Variants in TRIQK observed in about 807,000 individuals in gnomAD.
The protein encoded by TRIQK is triple QxxK/R motif containing.
A neutral mutation model predicts 10.8 loss-of-function variants in TRIQK; 10 were observed. The observed-to-expected ratio is 0.92, with a 90% confidence interval of 0.57 to 1.57. TRIQK has a LOEUF of 1.57. Ranked by LOEUF, TRIQK falls within the 40% of genes most tolerant of loss-of-function variation. The pLI, the probability that TRIQK is intolerant of heterozygous loss-of-function variation, is 0.00. For missense variants in TRIQK, 107 were observed against 97.7 expected, an observed-to-expected ratio of 1.09 and a Z score of -0.40; for synonymous variants, 33 against 33.7, an observed-to-expected ratio of 0.98 and a Z score of 0.07.
chr8:92,939,710 A>G (rs1211241577), intron 2 of TRIQK, among the ~76,000 whole-genome samples: 1 of 152,092 alleles, frequency 6.6e-6, no homozygotes, highest in Admixed American at 6.5e-5. Context: ...TCAGGCAGGG[A>G]GATTCCCACC....
At chr8:92,984,580 CT>C (rs1813014889) in intron 1 of TRIQK, among the ~76,000 whole-genome samples, 1 of 152,088 alleles carries the variant, frequency 6.6e-6, no homozygotes, top group Non-Finnish European at 1.5e-5. Flanking sequence ...TTTAGTTTGC[CT>C]TTTATTGTTA....
chr8:92,984,184 C>G (rs551676988), intron 1 of TRIQK, among the ~76,000 whole-genome samples: 1 of 152,202 alleles, frequency 6.6e-6, no homozygotes, highest in Admixed American at 6.5e-5. Context: ...CTGTCTTCAT[C>G]AAGTCTATTA....
intron 1 of TRIQK, among the ~76,000 whole-genome samples, chr8:93,011,490 A>G (rs1438507422): frequency 1.3e-5 from 2 of 152,160 alleles, no homozygotes; most frequent in African/African-American, 4.8e-5. Context: ...CAGCAACTCA[A>G]AAATGAGCTT....
intron 1 of TRIQK, among the ~76,000 whole-genome samples, chr8:93,003,302 G>A (rs1156485340): frequency 1.4e-5 from 2 of 139,908 alleles, no homozygotes; most frequent in Non-Finnish European, 3.1e-5. Context: ...CATGTTTCCC[G>A]CTTACAGGAG....
chr8:92,930,655 G>T (rs1810676125), intron 2 of TRIQK, among the ~76,000 whole-genome samples: 1 of 151,974 alleles, frequency 6.6e-6, no homozygotes, highest in African/African-American at 2.4e-5. Flanking sequence ...GTTCACAAAG[G>T]GCAGTTTCAT....
intron 1 of TRIQK, among the ~76,000 whole-genome samples, chr8:92,964,073 T>A (rs1013435906): frequency 6.6e-6 from 1 of 152,030 alleles, no homozygotes; most frequent in African/African-American, 2.4e-5. Context: ...TAGTTCCCGT[T>A]TGTTAGTGCT....
At position 93,006,990 on chromosome 8, in the gene TRIQK, C is replaced by T. The variant is rs535034239; in HGVS notation, c.-181+10619G>A. On this transcript the variant is annotated intron_variant, in intron 1 of 4. Transcript: ENST00000520686. Reference sequence around the variant, plus strand: ...TTCCTTCAGCGCAGTGCACCCCCATCGCCAAGGGGCAGCCAGAGTGCTTCA... The same window carrying T: ...TTCCTTCAGCGCAGTGCACCCCCATTGCCAAGGGGCAGCCAGAGTGCTTCA... Among the ~76,000 whole-genome samples, 106 of 152,332 alleles carry T rather than the reference C, an allele frequency of 7.0e-4. 1 individual carries two copies. The highest frequency in any genetic ancestry group is 1.2e-3 in the Non-Finnish European group (84 of 68,026).
chr8:92,993,468 A>G lies in TRIQK; in HGVS notation c.-181+24141T>C, dbSNP rs549448669. On this transcript the variant is annotated intron_variant, in intron 1 of 4. Coordinates refer to the TRIQK transcript ENST00000520686. Reference sequence around the variant, plus strand: ...TATTCAGTCTAATTTTCTTGAAGATAAAGATCACTTTGATACACAGGCTAA... The same window carrying G: ...TATTCAGTCTAATTTTCTTGAAGATGAAGATCACTTTGATACACAGGCTAA... Among the ~76,000 whole-genome samples, 4 of 152,316 alleles carry G rather than the reference A, an allele frequency of 2.6e-5. No individual in the cohort carries two copies. The South Asian group carries it at 8.3e-4, about 32-fold the overall frequency.
chr8:92,961,835 C>T (rs1481063320), intron 1 of TRIQK, among the ~76,000 whole-genome samples: 2 of 152,174 alleles, frequency 1.3e-5, no homozygotes, highest in Admixed American at 1.3e-4. Context: ...AATACTACTA[C>T]AGAAGAACTA....
At chr8:92,968,943 T>G (rs1158291221), upstream of TRIQK, among the ~76,000 whole-genome samples, 1 of 152,196 alleles carries the variant, frequency 6.6e-6, no homozygotes, top group East Asian at 1.9e-4. Flanking sequence ...GGTCTTACGT[T>G]TAAGTCTTTC....
intron 3 of TRIQK, among the ~76,000 whole-genome samples, chr8:92,904,116 G>C (rs1378115366): frequency 1.3e-5 from 2 of 151,750 alleles, no homozygotes; most frequent in Non-Finnish European, 2.9e-5. Flanking sequence ...CTAACTCCTA[G>C]AAGGAGTTTA....
chr8:92,997,578 G>A (rs574553208), intron 1 of TRIQK, among the ~76,000 whole-genome samples: 18 of 152,140 alleles, frequency 1.2e-4, no homozygotes, highest in African/African-American at 3.4e-4. Flanking sequence ...TGATTTACTC[G>A]TAGATTTTGA....
intron 1 of TRIQK, among the ~76,000 whole-genome samples, chr8:92,980,350 A>G (rs1243769859): frequency 2.0e-5 from 3 of 151,934 alleles, no homozygotes; most frequent in Admixed American, 6.6e-5. Flanking sequence ...CATTTATTTT[A>G]TAATTGGCAT....
upstream of TRIQK, among the ~76,000 whole-genome samples, chr8:92,971,033 C>T (rs370192623): frequency 2.0e-5 from 3 of 152,058 alleles, no homozygotes; most frequent in African/African-American, 4.8e-5. Context: ...GTTTTTCCAG[C>T]GCTGTTTATT....
Position 92,945,225 on chromosome 8 carries a change from T to C in TRIQK, c.-22+9181A>G, listed in dbSNP as rs1811469598. Among the ~76,000 whole-genome samples, 4 of 152,260 alleles carry C rather than the reference T, an allele frequency of 2.6e-5. No individual in the cohort carries two copies. The South Asian group carries it at 8.3e-4, about 32-fold the overall frequency. Reference sequence around the variant, plus strand: ...GCACTGGCCATTACCTTCAACTCATTTTCCAGTACCACTGATTGACGTTGC... The same window carrying C: ...GCACTGGCCATTACCTTCAACTCATCTTCCAGTACCACTGATTGACGTTGC... On this transcript the variant is annotated intron_variant, in intron 2 of 4. Transcript: ENST00000521988.
intron 3 of TRIQK, among the ~76,000 whole-genome samples, chr8:92,914,416 A>C (rs576074540): frequency 2.6e-5 from 4 of 152,336 alleles, no homozygotes; most frequent in Non-Finnish European, 5.9e-5. Flanking sequence ...TCTGCATGGC[A>C]TAAGGAGCAA....
At chr8:92,944,466 T>C (rs932485916) in intron 2 of TRIQK, among the ~76,000 whole-genome samples, 1 of 152,054 alleles carries the variant, frequency 6.6e-6, no homozygotes, top group Non-Finnish European at 1.5e-5. Flanking sequence ...CCTAAGTCTG[T>C]ATAAACGAAT....
At chr8:92,943,437 A>G (rs1437057226) in intron 2 of TRIQK, among the ~76,000 whole-genome samples, 1 of 152,224 alleles carries the variant, frequency 6.6e-6, no homozygotes, top group East Asian at 1.9e-4. Flanking sequence ...CTATGAAGCT[A>G]CAATAACCAA....
chr8:92,990,779 G>A (rs986117297), intron 1 of TRIQK, among the ~76,000 whole-genome samples: 8 of 152,148 alleles, frequency 5.3e-5, no homozygotes, highest in African/African-American at 1.7e-4. Context: ...GATTCCCTTG[G>A]GTGCCTAGGC....
Sources: gnomAD v4.1 joint callset for allele counts (sites outside exome capture counted in the v4.1 genomes callset) on GRCh38, gnomAD v4.1.1 for gene constraint, MANE v1.5 for transcripts, NCBI Gene and HGNC (gene_info 2026-07-23, HGNC 2026-07-21) for gene names.